The following TTC27 variants were observed in gnomAD, a reference collection of about 807,000 sequenced individuals.
TTC27 encodes tetratricopeptide repeat domain 27.
A neutral mutation model predicts 115.9 loss-of-function variants in TTC27; 79 were observed. The ratio of observed to expected loss-of-function variants is 0.68; its 90% CI spans 0.57 to 0.82. TTC27 has a LOEUF of 0.82. Ranked by LOEUF, TTC27 falls within the 40% of genes least tolerant of loss-of-function variation. TTC27 has a pLI of 0.00. For missense variants in TTC27, 1,054 were observed against 993.1 expected (o/e 1.06, Z -0.82); for synonymous variants, 401 against 356.0 (o/e 1.13, Z -1.42).
At chr2:32,656,816 C>T (rs1229389752) in intron 5 of TTC27, among the ~76,000 whole-genome samples, 1 of 152,094 alleles carries the variant, frequency 6.6e-6, no homozygotes, top group Non-Finnish European at 1.5e-5. Context: ...GGGTTTCCCC[C>T]TCTGCTACTT....
At chr2:32,759,126 G>C (rs1013935051) in intron 13 of TTC27, among the ~76,000 whole-genome samples, 7 of 152,144 alleles carry the variant, frequency 4.6e-5, no homozygotes, top group African/African-American at 1.7e-4. Flanking sequence ...TGTACTTAAT[G>C]ATATTCAGTT....
chr2:32,637,281 G>A (rs770322185), intron 3 of TTC27, among the ~76,000 whole-genome samples: 1 of 151,990 alleles, frequency 6.6e-6, no homozygotes, highest in Non-Finnish European at 1.5e-5. Context: ...GGTAGAACAG[G>A]CAGACATATT....
intron 16 of TTC27, among the ~76,000 whole-genome samples, chr2:32,803,270 G>A (rs149307713): frequency 1.8e-4 from 27 of 152,322 alleles, no homozygotes; most frequent in South Asian, 1.0e-3. Flanking sequence ...CTTAGGCGCC[G>A]GCCAGGCTGC....
At chr2:32,741,776 C>T (rs1331737051) in intron 12 of TTC27, among the ~76,000 whole-genome samples, 8 of 152,204 alleles carry the variant, frequency 5.3e-5, no homozygotes, top group Non-Finnish European at 4.4e-5. Context: ...TAAGTGATCA[C>T]TCAATAGTTA....
intron 10 of TTC27, among the ~76,000 whole-genome samples, chr2:32,712,660 T>C (rs976387912): frequency 1.3e-5 from 2 of 152,048 alleles, no homozygotes. Context: ...TGGGCTCACC[T>C]GTTTCTCCTG....
intron 10 of TTC27, among the ~76,000 whole-genome samples, chr2:32,711,995 A>T (rs1667597862): frequency 6.6e-6 from 1 of 152,062 alleles, no homozygotes; most frequent in Non-Finnish European, 1.5e-5. Context: ...CCTTAGGAAA[A>T]AGTTTAATCT....
intron 3 of TTC27, among the ~76,000 whole-genome samples, chr2:32,635,855 A>G (rs967776820): frequency 2.0e-5 from 3 of 152,198 alleles, no homozygotes; most frequent in Non-Finnish European, 4.4e-5. Flanking sequence ...GTGAGTCACT[A>G]TATATACTTC....
At chr2:32,647,270 T>A (rs1664900853) in intron 4 of TTC27, among the ~76,000 whole-genome samples, 1 of 152,158 alleles carries the variant, frequency 6.6e-6, no homozygotes, top group Non-Finnish European at 1.5e-5. Context: ...AAAAGTGAAA[T>A]CTTTTTGACT....
At chr2:32,716,662 G>A (rs1486559142) in intron 10 of TTC27, among the ~76,000 whole-genome samples, 1 of 151,688 alleles carries the variant, frequency 6.6e-6, no homozygotes, top group Non-Finnish European at 1.5e-5. Context: ...ATTCTATTGG[G>A]TAATTTTTAT....
At chr2:32,723,258 G>C (rs542747225) in intron 10 of TTC27, among the ~76,000 whole-genome samples, 1 of 152,230 alleles carries the variant, frequency 6.6e-6, no homozygotes, top group South Asian at 2.1e-4. Flanking sequence ...TTTTCCCTGA[G>C]ATAACACTGC....
chr2:32,700,207 T>A (rs1485392410), intron 9 of TTC27, among the ~76,000 whole-genome samples: 1 of 152,182 alleles, frequency 6.6e-6, no homozygotes, highest in Non-Finnish European at 1.5e-5. Flanking sequence ...TAAGCTTTAC[T>A]TATTCTTACT....
chr2:32,649,442 G>A (rs1664996747), intron 4 of TTC27, among the ~76,000 whole-genome samples: 1 of 152,154 alleles, frequency 6.6e-6, no homozygotes, highest in East Asian at 1.9e-4. Context: ...AAGTTCAGGT[G>A]ATGGAAAAAT....
intron 7 of TTC27, among the ~76,000 whole-genome samples, chr2:32,668,139 C>T (rs530910729): frequency 7.3e-5 from 11 of 151,394 alleles, no homozygotes; most frequent in African/African-American, 1.7e-4. Flanking sequence ...TGCAGTGAGC[C>T]GAGATCATGC....
At chr2:32,763,107 G>A (rs1385802747) in intron 13 of TTC27, among the ~76,000 whole-genome samples, 1 of 152,198 alleles carries the variant, frequency 6.6e-6, no homozygotes, top group Admixed American at 6.5e-5. Context: ...ATTGCTCAAA[G>A]CAGAGTCACA....
rs939336636 is a variant in TTC27, at chr2:32,762,883, G to T, written c.1680+4364G>T. Among the ~76,000 whole-genome samples, 4 of 152,150 alleles carry T rather than the reference G, an allele frequency of 2.6e-5. No individual in the cohort carries two copies. The South Asian group carries it at 8.3e-4, about 32-fold the overall frequency. On this transcript the variant is annotated intron_variant, in intron 13 of 19. Coordinates refer to ENST00000317907, the MANE Select transcript of TTC27 (RefSeq NM_017735.5). ...TCTTGAACTCCTGACCTTGTGATCC[G>T]CCCGCCTCGGTCTCCCAAAGTGCTG...
intron 15 of TTC27, among the ~76,000 whole-genome samples, chr2:32,783,026 G>A (rs1334652650): frequency 6.6e-6 from 1 of 152,064 alleles, no homozygotes; most frequent in Non-Finnish European, 1.5e-5. Flanking sequence ...TGCTTGCTTT[G>A]TACTAGACAT....
At chr2:32,689,623 G>A (rs1164474843) in intron 9 of TTC27, among the ~76,000 whole-genome samples, 2 of 152,236 alleles carry the variant, frequency 1.3e-5, no homozygotes, top group African/African-American at 2.4e-5. Flanking sequence ...TTAATGGGGG[G>A]AATATACTGT....
chr2:32,708,301 C>CTTGTT (rs1667448803), intron 10 of TTC27, among the ~76,000 whole-genome samples: 2 of 80,260 alleles, frequency 2.5e-5, no homozygotes, highest in African/African-American at 5.4e-5. Flanking sequence ...TTTTCTCTAC[C>CTTGTT]TTGTTTTTTT....
At chr2:32,646,179 C>A (rs1358624860) in intron 4 of TTC27, among the ~76,000 whole-genome samples, 1 of 151,970 alleles carries the variant, frequency 6.6e-6, no homozygotes, top group Non-Finnish European at 1.5e-5. Flanking sequence ...CAGGCGCCCA[C>A]CACCATGTGC....
Sources: allele counts gnomAD v4.1 joint callset (sites outside exome capture counted in the v4.1 genomes callset), GRCh38; gene constraint gnomAD v4.1.1; transcripts MANE v1.5; gene names NCBI Gene and HGNC (gene_info 2026-07-23, HGNC 2026-07-21).